The following UBE2C variants were observed in gnomAD, a reference collection of about 807,000 sequenced individuals.
The protein encoded by UBE2C is ubiquitin-conjugating enzyme E2 C.
A neutral mutation model predicts 23.5 loss-of-function variants in UBE2C; 16 were observed. That is an observed-to-expected ratio of 0.68 (90% CI 0.46 to 1.03). The LOEUF is 1.03. Ranked by LOEUF, UBE2C falls within the 50% of genes least tolerant of loss-of-function variation. The pLI, the probability that UBE2C is intolerant of heterozygous loss-of-function variation, is 0.00. For synonymous variants in UBE2C, 76 were observed against 91.6 expected (o/e 0.83, Z 0.97); for missense variants, 192 against 227.6 (o/e 0.84, Z 1.01).
At chr20:45,816,210 T>C (rs1982540319) in intron 5 of UBE2C, among the ~76,000 whole-genome samples, 1 of 152,220 alleles carries the variant, frequency 6.6e-6, no homozygotes, top group Admixed American at 6.5e-5. Context: ...CCCTCCAGTC[T>C]CACTGGAAGC....
chr20:45,815,147 A>ATTTAG (rs1262936286), intron 3 of UBE2C, among the ~76,000 whole-genome samples: 8 of 152,060 alleles, frequency 5.3e-5, no homozygotes, highest in Non-Finnish European at 1.5e-5. Flanking sequence ...AGCAACTAAT[A>ATTTAG]TTCTAATTGA....
rs1415389920 is a variant in UBE2C at position 45,812,664 on chromosome 20, C to T, written c.-32C>T. ...GTCCTGCAGTTGCAGTCGTGTTCTC[C>T]GAGTTCCTGTCTCTCTGCCAACGCC... On this transcript the variant is annotated 5_prime_UTR_variant, in exon 1 of 6. Transcript: ENST00000356455. 3 of 1,550,114 alleles carry T rather than the reference C, an allele frequency of 1.9e-6. No individual in the cohort carries two copies. Among genetic ancestry groups the T allele is most frequent in the South Asian group, 1.2e-5 (1 of 84,054 alleles).
intron 2 of UBE2C, 84 bp from the exon 3 acceptor site, chr20:45,814,287 TATATATATATATA>T: frequency 1.1e-5 from 4 of 359,016 alleles, no homozygotes; most frequent in Admixed American, 4.1e-5. Flanking sequence ...TATATATATA[TATATATATATATA>T]AAATTAAGGG....
chr20:45,813,370 G>A, intron 1 of UBE2C, 67 bp from the exon 2 acceptor site: 2 of 1,613,498 alleles, frequency 1.2e-6, no homozygotes, highest in South Asian at 1.1e-5. Flanking sequence ...TCAGGTGGGA[G>A]AAGATGCACC....
intron 1 of UBE2C, 141 bp from the exon 2 acceptor site, chr20:45,813,296 T>C: frequency 6.4e-7 from 1 of 1,564,490 alleles, no homozygotes. Flanking sequence ...ATCTGGTGAG[T>C]ATACCCTGAG....
chr20:45,814,455 T>A lies in UBE2C; in HGVS notation c.201T>A (p.His67Gln), dbSNP rs1433546288. ...TTTTCAAATGGGTAGGGACCATCCATGGAGCAGCTGGAACAGTAAGTGTAG... is the reference window on the plus strand; with the variant it reads ...TTTTCAAATGGGTAGGGACCATCCAAGGAGCAGCTGGAACAGTAAGTGTAG... The part of the protein sequence containing the change: ...DNLFKWVGTI[H>Q]GAAGTVYEDL... Residue 67 changes from histidine to glutamine, a missense_variant, in exon 3 of 6, where the codon CAT becomes CAA. Physicochemically the swap from His to Gln is conservative, Grantham distance 24. Coordinates refer to ENST00000356455, the MANE Select transcript of UBE2C (RefSeq NM_007019.4). The A allele has an allele frequency of 3.1e-6, 5 of 1,608,478 alleles. No homozygotes were observed. The highest frequency in any genetic ancestry group is 2.7e-5 in the African/African-American group (2 of 74,480).
At position 45,814,413 on chromosome 20, in the gene UBE2C, C is replaced by A; in HGVS notation, c.159C>A (p.Phe53Leu). 1 of 1,610,536 alleles carries A rather than the reference C, an allele frequency of 6.2e-7. No homozygotes were observed. Among genetic ancestry groups the A allele is most frequent in the Non-Finnish European group, 8.5e-7 (1 of 1,178,436 alleles). The change falls in exon 3 of 6, where the codon TTC becomes TTA. Residue 53 changes from phenylalanine (F) to leucine (L), a missense_variant. Transcript: ENST00000356455. ...MMSGDKGISA[F>L]PESDNLFKWV... ...CTGGCGATAAAGGGATTTCTGCCTT[C>A]CCTGAATCAGACAACCTTTTCAAAT...
In UBE2C at chr20:45,812,721, C is replaced by T; in HGVS notation, c.26C>T (p.Ala9Val). The change falls in exon 1 of 6, where the codon GCC becomes GTC. Residue 9 changes from alanine (A) to valine (V), a missense_variant. Coordinates refer to ENST00000356455, the MANE Select transcript of UBE2C (RefSeq NM_007019.4). ...ATGGCTTCCCAAAACCGCGACCCAG[C>T]CGCCACTAGCGTCGCCGCCGCCCGT... MASQNRDPAATSVAAARKG... is the reference protein window; with the variant it reads MASQNRDPVATSVAAARKG... 6.4e-7 allele frequency: 1 copy of T among 1,552,986 alleles called. No individual in the cohort carries two copies. The highest frequency in any genetic ancestry group is 8.7e-7 in the Non-Finnish European group (1 of 1,148,122).
rs763391914 is a variant in UBE2C at position 45,815,907 on chromosome 20, C to T, written c.475C>T (p.Pro159Ser). The T allele has an allele frequency of 1.2e-6, 2 of 1,614,010 alleles. No homozygotes were observed. Among genetic ancestry groups the T allele is most frequent in the East Asian group, 4.5e-5 (2 of 44,870 alleles). The change falls in exon 5 of 6, where the codon CCC becomes TCC. Residue 159 changes from proline (P) to serine (S), a missense_variant. Physicochemically the swap from Pro to Ser is moderately conservative, Grantham distance 74. Transcript: ENST00000356455. ...NTHAAELWKN[P>S]TAFKKYLQET... ...ACATGCTGCCGAGCTCTGGAAAAAC[C>T]CCACAGGTGAGTCCTCAGTCCTTGA...
In UBE2C at chr20:45,814,238, G is replaced by A. The variant is rs1346128459; in HGVS notation, c.130-146G>A. On this transcript the variant is annotated intron_variant, in intron 2 of 5. Transcript: ENST00000356455. ...TATATACACATATATATGTGTGTGT[G>A]TATACATATATATGTGTGTGTGTGT... The A allele has an allele frequency of 8.0e-5, 26 of 323,846 alleles. 6 individuals are homozygous for A. The East Asian group carries it at 1.6e-3, about 20-fold the overall frequency. The allele number at this position is 323,846 out of a possible 1,614,324, so 20.1% of individuals were successfully genotyped here. A position where few individuals can be genotyped will look rare whatever the true frequency, so the allele number is the denominator to read the frequency against.
intron 2 of UBE2C, among the ~76,000 whole-genome samples, chr20:45,814,130 C>A (rs1187059458): frequency 3.6e-5 from 5 of 139,786 alleles, no homozygotes; most frequent in Non-Finnish European, 7.5e-5. Context: ...CTCTCTCAAT[C>A]TCTCTCTCTC....
At chr20:45,816,667 C>T (rs758269470) in intron 5 of UBE2C, 42 bp from the exon 6 acceptor site, 28 of 1,569,054 alleles carry the variant, frequency 1.8e-5, no homozygotes, top group Non-Finnish European at 2.2e-5. Context: ...ATTAACTCAT[C>T]CTGTCTCCAT....
intron 3 of UBE2C, among the ~76,000 whole-genome samples, chr20:45,814,925 G>A (rs548917647): frequency 3.1e-5 from 4 of 129,904 alleles, no homozygotes; most frequent in Non-Finnish European, 3.3e-5. Flanking sequence ...TGCAAGCTCC[G>A]CTTCCCGGGT....
chr20:45,815,434 CG>C, intron 3 of UBE2C, 106 bp from the exon 4 acceptor site: 1 of 1,613,930 alleles, frequency 6.2e-7, no homozygotes, highest in Non-Finnish European at 8.5e-7. Context: ...GTCTACTGTC[CG>C]GTCCCAGAGA....
chr20:45,814,268 GA>G lies in UBE2C; in HGVS notation c.130-115del. ...CATATATATGTGTGTGTGTGTATGT[GA>G]GCATATATATATATATATATATATA... On this transcript the variant is annotated intron_variant, in intron 2 of 5. Coordinates refer to ENST00000356455, the MANE Select transcript of UBE2C (RefSeq NM_007019.4). 2 of 343,910 alleles carry G rather than the reference GA, an allele frequency of 5.8e-6. 1 individual carries two copies. The highest frequency in any genetic ancestry group is 1.1e-4 in the East Asian group (2 of 17,454). The allele number at this position is 343,910 out of a possible 1,614,324, so 21.3% of individuals were successfully genotyped here. A position where few individuals can be genotyped will look rare whatever the true frequency, so the allele number is the denominator to read the frequency against.
intron 3 of UBE2C, chr20:45,815,273 C>A (rs1982396418): frequency 1.9e-6 from 2 of 1,067,700 alleles, no homozygotes; most frequent in Non-Finnish European, 2.7e-6. Context: ...AATCTCAGCA[C>A]TTTGGGAGGC....
intron 2 of UBE2C, among the ~76,000 whole-genome samples, 156 bp from the exon 3 acceptor site, chr20:45,814,228 A>G (rs200875101): frequency 8.4e-6 from 1 of 119,452 alleles, no homozygotes; most frequent in Non-Finnish European, 1.9e-5. Context: ...ACACATATAT[A>G]TGTGTGTGTG....
Position 45,815,538 on chromosome 20 carries a change from C to T in UBE2C, c.217-3C>T, listed in dbSNP as rs771830619. On this transcript the variant is annotated splice_polypyrimidine_tract_variant and splice_region_variant and intron_variant, in intron 3 of 5. Coordinates refer to ENST00000356455, the MANE Select transcript of UBE2C (RefSeq NM_007019.4). ...ACTCTGCAACTGTTTCTCCAAATGC[C>T]AGGTATATGAAGACCTGAGGTATAA... The T allele has an allele frequency of 4.2e-5, 68 of 1,613,934 alleles. No individual in the cohort carries two copies. Among genetic ancestry groups the T allele is most frequent in the Non-Finnish European group, 5.8e-5 (68 of 1,180,004 alleles).
chr20:45,816,545 G>C (rs1045950605), intron 5 of UBE2C, among the ~76,000 whole-genome samples, 164 bp from the exon 6 acceptor site: 1 of 152,228 alleles, frequency 6.6e-6, no homozygotes, highest in African/African-American at 2.4e-5. Context: ...GCTGAGGCAA[G>C]AGAATCACTT....
Sources: gnomAD v4.1 joint callset for allele counts (sites outside exome capture counted in the v4.1 genomes callset) on GRCh38, gnomAD v4.1.1 for gene constraint, MANE v1.5 for transcripts, NCBI Gene and HGNC (gene_info 2026-07-23, HGNC 2026-07-21) for gene names.